The following DCLK1 variants were observed in gnomAD, a reference collection of about 807,000 sequenced individuals.
DCLK1 encodes serine/threonine-protein kinase DCLK1.
DCLK1 carries 16 observed loss-of-function variants against 86.2 expected under a neutral mutation model. The observed-to-expected ratio is 0.19, with a 90% CI of 0.13 to 0.28. DCLK1 has a LOEUF of 0.28. DCLK1 is among the 10% of genes least tolerant of loss of function. The pLI, the probability that DCLK1 is intolerant of heterozygous loss-of-function variation, is 1.00. For synonymous variants in DCLK1, 369 were observed against 370.5 expected (o/e 1.00, Z 0.05); for missense variants, 590 against 940.2 (o/e 0.63, Z 4.87).
At chr13:36,119,993 A>G (rs1885927236) in intron 2 of DCLK1, among the ~76,000 whole-genome samples, 1 of 152,230 alleles carries the variant, frequency 6.6e-6, no homozygotes, top group African/African-American at 2.4e-5. Context: ...GTATAAGTCC[A>G]AATTAATCTG....
At chr13:35,811,120 G>A in intron 11 of DCLK1, 152 bp from the exon 12 acceptor site, 1 of 893,418 alleles carries the variant, frequency 1.1e-6, no homozygotes. Context: ...ATACAAAATA[G>A]CTTACTTCCT....
chr13:35,843,459 C>T (rs1869963914), intron 6 of DCLK1, among the ~76,000 whole-genome samples: 1 of 152,142 alleles, frequency 6.6e-6, no homozygotes, highest in African/African-American at 2.4e-5. Context: ...ACATATCACA[C>T]TTTTTGAAGT....
At chr13:35,960,027 CA>C (rs1221157457) in intron 3 of DCLK1, among the ~76,000 whole-genome samples, 1 of 152,132 alleles carries the variant, frequency 6.6e-6, no homozygotes, top group Non-Finnish European at 1.5e-5. Context: ...AATGCTTGAT[CA>C]TCATGACTAT....
At chr13:36,091,696 C>A (rs76779084) in intron 3 of DCLK1, among the ~76,000 whole-genome samples, 6,451 of 152,216 alleles carry the variant, frequency 0.042, 159 homozygotes, top group African/African-American at 0.074. Context: ...AAAATAGCCA[C>A]CATTCCTAGC....
At chr13:35,875,687 G>A (rs76794535) in intron 4 of DCLK1, among the ~76,000 whole-genome samples, 1 of 152,120 alleles carries the variant, frequency 6.6e-6, no homozygotes, top group Non-Finnish European at 1.5e-5. Context: ...TTATTAATCA[G>A]TCAGAATTAT....
chr13:35,828,788 T>C (rs1868700542), intron 8 of DCLK1, among the ~76,000 whole-genome samples: 1 of 152,178 alleles, frequency 6.6e-6, no homozygotes, highest in Admixed American at 6.5e-5. Context: ...GAGATGAGTT[T>C]CCGCCCTTCC....
At chr13:35,958,090 T>TTACCACCATCACTGCTATAAC (rs1878147691) in intron 3 of DCLK1, among the ~76,000 whole-genome samples, 1 of 6,142 alleles carries the variant, frequency 1.6e-4, no homozygotes, top group African/African-American at 1.0e-3. Flanking sequence ...ACTATAACCA[T>TTACCACCATCACTGCTATAAC]CACCACCGCT....
chr13:35,950,537 A>G (rs897291311), intron 3 of DCLK1, among the ~76,000 whole-genome samples: 1 of 152,176 alleles, frequency 6.6e-6, no homozygotes, highest in Admixed American at 6.5e-5. Context: ...GGTGTCCTAA[A>G]GATTCAGTGT....
intron 3 of DCLK1, among the ~76,000 whole-genome samples, chr13:36,037,902 A>G (rs1030988918): frequency 4.6e-5 from 7 of 152,252 alleles, no homozygotes; most frequent in South Asian, 4.2e-4. Context: ...CCCCTACTGT[A>G]AAAAAAGAAC....
rs116832772 is a variant in DCLK1 at position 36,079,072 on chromosome 13, A to G, written c.723+32797T>C. ...AAGAAGCTGTGTGTCTCAATGGTGC[A>G]GAAAAGCCCCTGTGGCTACATGGCT... On this transcript the variant is annotated intron_variant, in intron 3 of 16. Transcript: ENST00000360631. Among the ~76,000 whole-genome samples the G allele has an allele frequency of 3.3e-3, 497 of 152,266 alleles. 1 individual carries two copies. The highest frequency in any genetic ancestry group is 0.012 in the African/African-American group (478 of 41,554).
chr13:36,010,143 T>G (rs1428348565), intron 3 of DCLK1, among the ~76,000 whole-genome samples: 1 of 29,056 alleles, frequency 3.4e-5, no homozygotes, highest in African/African-American at 1.5e-4. Context: ...AATGGGGTTT[T>G]CTAGATAAAC....
chr13:35,963,322 C>T (rs1483058754), intron 3 of DCLK1, among the ~76,000 whole-genome samples: 1 of 152,112 alleles, frequency 6.6e-6, no homozygotes, highest in Non-Finnish European at 1.5e-5. Flanking sequence ...GCATCAGGAG[C>T]TTGTACAGGT....
intron 3 of DCLK1, among the ~76,000 whole-genome samples, chr13:36,014,499 C>T (rs1881451077): frequency 6.6e-6 from 1 of 152,126 alleles, no homozygotes; most frequent in Non-Finnish European, 1.5e-5. Flanking sequence ...TGACTGTCAC[C>T]TAACAACCTG....
intron 3 of DCLK1, among the ~76,000 whole-genome samples, chr13:36,062,248 C>T (rs961673569): frequency 6.6e-6 from 1 of 152,178 alleles, no homozygotes; most frequent in Non-Finnish European, 1.5e-5. Flanking sequence ...GAACTTCACT[C>T]ATCAATAATC....
intron 3 of DCLK1, among the ~76,000 whole-genome samples, chr13:36,058,195 A>C (rs1193826679): frequency 2.6e-5 from 4 of 152,162 alleles, no homozygotes; most frequent in African/African-American, 9.7e-5. Context: ...TTAAGGATCC[A>C]TCTCTGTGAA....
intron 3 of DCLK1, among the ~76,000 whole-genome samples, chr13:36,044,650 G>T (rs1186138150): frequency 2.0e-5 from 3 of 151,994 alleles, no homozygotes; most frequent in South Asian, 4.2e-4. Context: ...TGCAGCAAAT[G>T]AAATAATAAT....
rs144624138 is a variant in DCLK1 at position 35,978,896 on chromosome 13, A to C, written c.724-31439T>G. ...TAAACTCAGGTTAACTCCCAAACAG[A>C]ATACACACCTATTACCTTACTAGTA... On this transcript the variant is annotated intron_variant, in intron 3 of 16. Transcript: ENST00000360631. 5.4e-4 allele frequency among the ~76,000 whole-genome samples: 82 copies of C among 152,324 alleles called. 1 individual carries two copies. Among genetic ancestry groups the C allele is most frequent in the Admixed American group, 3.1e-3 (47 of 15,300 alleles).
intron 3 of DCLK1, among the ~76,000 whole-genome samples, chr13:36,018,542 A>G (rs571604589): frequency 6.6e-6 from 1 of 152,294 alleles, no homozygotes; most frequent in East Asian, 1.9e-4. Flanking sequence ...TGGTTGCTCA[A>G]TTGAACAAAT....
chr13:35,818,930 T>A (rs1202178340), intron 11 of DCLK1, among the ~76,000 whole-genome samples: 1 of 152,060 alleles, frequency 6.6e-6, no homozygotes, highest in Non-Finnish European at 1.5e-5. Context: ...AGAAGCATCA[T>A]ACTTTCTCCC....
Sources: allele counts gnomAD v4.1 joint callset (sites outside exome capture counted in the v4.1 genomes callset), GRCh38; gene constraint gnomAD v4.1.1; transcripts MANE v1.5; gene names NCBI Gene and HGNC (gene_info 2026-07-23, HGNC 2026-07-21).